The following FRMD6 variants were observed in gnomAD, a reference collection of about 807,000 sequenced individuals.
The protein encoded by FRMD6 is FERM domain containing 6.
FRMD6 carries 37 observed loss-of-function variants against 73.2 expected under a neutral mutation model. The observed-to-expected ratio is 0.51, with a 90% CI of 0.39 to 0.66. The LOEUF (loss-of-function observed/expected upper bound fraction) is 0.66. FRMD6 is among the 30% of genes least tolerant of loss of function. The probability of loss-of-function intolerance (pLI) is 0.00; values close to 1 mark genes in which losing one functional copy is unlikely to be tolerated. For missense variants in FRMD6, 714 were observed against 780.5 expected, an observed-to-expected ratio of 0.91 and a Z score of 1.02; for synonymous variants, 273 against 282.2, an observed-to-expected ratio of 0.97 and a Z score of 0.33.
At chr14:51,603,590 A>T (rs777930740) in intron 2 of FRMD6, among the ~76,000 whole-genome samples, 1 of 152,188 alleles carries the variant, frequency 6.6e-6, no homozygotes. Context: ...AATATGTTAG[A>T]TATTTTTTCA....
chr14:51,487,638 G>C (rs148950018), upstream of FRMD6, among the ~76,000 whole-genome samples: 1 of 152,278 alleles, frequency 6.6e-6, no homozygotes, highest in East Asian at 1.9e-4. Flanking sequence ...TCACCTTTGC[G>C]CATTATTTTT....
intron 1 of FRMD6, among the ~76,000 whole-genome samples, chr14:51,566,533 T>G (rs1260816643): frequency 6.6e-6 from 1 of 152,214 alleles, no homozygotes. Flanking sequence ...ATCTGAATTT[T>G]CCCACGTAAT....
chr14:51,668,766 C>G (rs1185782456), intron 1 of FRMD6, among the ~76,000 whole-genome samples: 1 of 152,026 alleles, frequency 6.6e-6, no homozygotes, highest in Non-Finnish European at 1.5e-5. Context: ...CTCCCGGGCT[C>G]AAGTGATTCT....
chr14:51,680,213 G>A (rs1729108043), intron 1 of FRMD6, among the ~76,000 whole-genome samples: 1 of 152,144 alleles, frequency 6.6e-6, no homozygotes, highest in South Asian at 2.1e-4. Flanking sequence ...TTTGCATGGG[G>A]CAGCAGCACA....
chr14:51,431,996 C>T, the FRMD6 span, among the ~76,000 whole-genome samples: 1 of 152,108 alleles, frequency 6.6e-6, no homozygotes, highest in African/African-American at 2.4e-5. Context: ...CTGGAGACTA[C>T]AAGCAAAGGA....
intron 1 of FRMD6, among the ~76,000 whole-genome samples, chr14:51,543,826 G>T (rs1189075907): frequency 6.6e-6 from 1 of 152,000 alleles, no homozygotes; most frequent in Non-Finnish European, 1.5e-5. Context: ...TGTAATTCTG[G>T]CAGCAATGTA....
At chr14:51,600,202 G>T (rs1264118250) in intron 2 of FRMD6, among the ~76,000 whole-genome samples, 1 of 152,102 alleles carries the variant, frequency 6.6e-6, no homozygotes, top group South Asian at 2.1e-4. Context: ...GCCAAGAGGA[G>T]TTAGTTACTT....
the FRMD6 span, among the ~76,000 whole-genome samples, chr14:51,473,024 G>T: frequency 6.6e-6 from 1 of 152,186 alleles, no homozygotes; most frequent in Non-Finnish European, 1.5e-5. Flanking sequence ...TTCAAATGAG[G>T]TATAATGAGC....
At chr14:51,621,146 C>T (rs999082) in intron 2 of FRMD6, among the ~76,000 whole-genome samples, 72,078 of 149,508 alleles carry the variant, frequency 0.48, 17,140 homozygotes, top group Admixed American at 0.51. Context: ...TTTTAAACTT[C>T]AATTTTTTTT....
the FRMD6 span, among the ~76,000 whole-genome samples, chr14:51,435,695 A>G: frequency 2.0e-5 from 3 of 152,176 alleles, no homozygotes; most frequent in Non-Finnish European, 4.4e-5. Flanking sequence ...ATATGAAATT[A>G]CAGCTAGATA....
intron 2 of FRMD6, 45 bp downstream of exon 2, chr14:51,689,980 C>A (rs762089432): frequency 5.8e-6 from 7 of 1,198,280 alleles, no homozygotes; most frequent in Admixed American, 5.1e-5. Context: ...TGTGTTTTCA[C>A]CAGTGGCCAC....
chr14:51,707,085 T>C (rs766919966), intron 6 of FRMD6, among the ~76,000 whole-genome samples: 4 of 152,110 alleles, frequency 2.6e-5, no homozygotes, highest in Admixed American at 1.3e-4. Context: ...TTAGTGCCCT[T>C]ACAAATACTG....
chr14:51,508,133 G>C (rs895487111), intron 1 of FRMD6, among the ~76,000 whole-genome samples: 5 of 152,136 alleles, frequency 3.3e-5, no homozygotes, highest in African/African-American at 1.2e-4. Context: ...CTTGGCCCGG[G>C]CAATGAGCAC....
chr14:51,695,957 G>C (rs1895917951), intron 2 of FRMD6, among the ~76,000 whole-genome samples: 1 of 151,864 alleles, frequency 6.6e-6, no homozygotes, highest in Non-Finnish European at 1.5e-5. Flanking sequence ...TTCATATTAA[G>C]ATATGATAAA....
the FRMD6 span, among the ~76,000 whole-genome samples, chr14:51,428,993 G>T: frequency 7.2e-6 from 1 of 138,310 alleles, no homozygotes; most frequent in Admixed American, 7.2e-5. Context: ...GAGAGAGAGG[G>T]TGGGAGAGAG....
intron 1 of FRMD6, among the ~76,000 whole-genome samples, chr14:51,529,378 T>A (rs1188472550): frequency 1.3e-5 from 2 of 152,224 alleles, no homozygotes; most frequent in Non-Finnish European, 2.9e-5. Flanking sequence ...AGCTCATACA[T>A]GTGAATGCAT....
intron 1 of FRMD6, among the ~76,000 whole-genome samples, chr14:51,489,681 C>T (rs1882882932): frequency 6.6e-6 from 1 of 152,172 alleles, no homozygotes; most frequent in Admixed American, 6.5e-5. Flanking sequence ...GGAAGAAACT[C>T]ACATCTTCAT....
At chr14:51,502,127 AT>A (rs1217744855) in intron 1 of FRMD6, among the ~76,000 whole-genome samples, 1 of 151,938 alleles carries the variant, frequency 6.6e-6, no homozygotes, top group African/African-American at 2.4e-5. Flanking sequence ...GACCTTCAAA[AT>A]TTTTTCCCAT....
At position 51,720,555 on chromosome 14, in the gene FRMD6, G is replaced by A. The variant is rs74054407; in HGVS notation, c.1360+165G>A. 1,429 of 643,922 alleles carry A rather than the reference G, an allele frequency of 2.2e-3. 12 individuals are homozygous for A. The African/African-American group carries it at 0.023, about 11-fold the overall frequency. The allele number at this position is 643,922 out of a possible 1,614,324, so 39.9% of individuals were successfully genotyped here. On this transcript the variant is annotated intron_variant, in intron 11 of 13. Transcript: ENST00000344768. Reference sequence around the variant, plus strand: ...GACTTGGTTGAGTTGCTTGTGTTTGGCTGTGAACAAAACATCCCTCTAGTT... The same window carrying A: ...GACTTGGTTGAGTTGCTTGTGTTTGACTGTGAACAAAACATCCCTCTAGTT...
Sources: allele counts gnomAD v4.1 joint callset (sites outside exome capture counted in the v4.1 genomes callset), GRCh38; gene constraint gnomAD v4.1.1; transcripts MANE v1.5; gene names NCBI Gene and HGNC (gene_info 2026-07-23, HGNC 2026-07-21).